DNAAF11: variants seen among roughly 807,000 people sequenced by gnomAD.
DNAAF11 encodes dynein axonemal assembly factor 11, also known as leucine rich repeat containing 6.
Under a neutral mutation model 60.8 loss-of-function variants are expected in DNAAF11, and 45 were observed. That is an observed-to-expected ratio of 0.74 (90% CI 0.58 to 0.95). The LOEUF is 0.95. DNAAF11 is among the 40% of genes least tolerant of loss of function. The pLI is 0.00. For synonymous variants in DNAAF11, 191 were observed against 183.5 expected (o/e 1.04, Z -0.33); for missense variants, 546 against 546.2 (o/e 1.00, Z 0.00).
intron 7 of DNAAF11, among the ~76,000 whole-genome samples, chr8:132,617,689 CTGTCTTTTTGCTTCAAAGAGAA>C: frequency 6.6e-6 from 1 of 152,258 alleles, no homozygotes; most frequent in Non-Finnish European, 1.5e-5. Flanking sequence ...GAGGGCATCC[CTGTCTTTTTGCTTCAAAGAGAA>C]TAAAATACCT....
At chr8:132,598,830 T>TA (rs1306515321) in intron 10 of DNAAF11, among the ~76,000 whole-genome samples, 1 of 152,124 alleles carries the variant, frequency 6.6e-6, no homozygotes, top group Non-Finnish European at 1.5e-5. Context: ...CAGGAAGATC[T>TA]AAAATTGACA....
the DNAAF11 span, among the ~76,000 whole-genome samples, chr8:132,700,939 G>C: frequency 1.3e-5 from 2 of 152,188 alleles, no homozygotes; most frequent in Non-Finnish European, 2.9e-5. Context: ...AAAATGAACA[G>C]AAATTTATCG....
chr8:132,601,594 T>TA (rs574288099), intron 10 of DNAAF11, among the ~76,000 whole-genome samples: 1,637 of 152,136 alleles, frequency 0.011, 40 homozygotes, highest in African/African-American at 0.038. Flanking sequence ...TATGCAGCCA[T>TA]AAAAAAGATG....
intron 3 of DNAAF11, among the ~76,000 whole-genome samples, chr8:132,649,575 C>T (rs1399993722): frequency 1.3e-5 from 2 of 152,262 alleles, no homozygotes; most frequent in East Asian, 1.9e-4. Context: ...TCAGAGTGAA[C>T]AGGCAACCTA....
rs1003794367 is a variant in DNAAF11, at chr8:132,632,798, C to T, written c.595G>A (p.Asp199Asn). 11 of 1,613,954 alleles carry T rather than the reference C, an allele frequency of 6.8e-6. No individual in the cohort carries two copies. The East Asian group carries it at 8.9e-5, about 13-fold the overall frequency. ...TCAAAGCCTGCGTTACTTCTCTTGTCTTCATTTTTATCCTCTTCTTGGTGT... is the reference window on the plus strand; with the variant it reads ...TCAAAGCCTGCGTTACTTCTCTTGTTTTCATTTTTATCCTCTTCTTGGTGT... ...RKHQEEDKNE[D>N]KRSNAGFDGR... The change falls in exon 5 of 12, where the codon GAC becomes AAC. Residue 199 changes from aspartate (D) to asparagine (N), a missense_variant. Transcript: ENST00000620350.
intron 1 of DNAAF11, among the ~76,000 whole-genome samples, chr8:132,671,457 C>G (rs1303088458): frequency 6.6e-6 from 1 of 152,100 alleles, no homozygotes; most frequent in Non-Finnish European, 1.5e-5. Flanking sequence ...TCATTCTCCC[C>G]AAATCGAGCT....
intron 5 of DNAAF11, among the ~76,000 whole-genome samples, chr8:132,626,189 C>A (rs1820264301): frequency 6.6e-6 from 1 of 151,962 alleles, no homozygotes; most frequent in Admixed American, 6.6e-5. Flanking sequence ...GTAGCTGGGA[C>A]TACAGGCGCC....
chr8:132,572,796 T>A (rs1390526636), intron 11 of DNAAF11, among the ~76,000 whole-genome samples: 1 of 152,026 alleles, frequency 6.6e-6, no homozygotes, highest in African/African-American at 2.4e-5. Flanking sequence ...ACTGAAATGA[T>A]ACAGCAGGCA....
intron 1 of DNAAF11, among the ~76,000 whole-genome samples, chr8:132,665,315 G>A (rs1384134203): frequency 6.6e-6 from 1 of 151,950 alleles, no homozygotes; most frequent in Non-Finnish European, 1.5e-5. Context: ...GAACAGGAAA[G>A]CATTTTCGGT....
At chr8:132,685,905 C>CA in the DNAAF11 span, among the ~76,000 whole-genome samples, 3 of 152,040 alleles carry the variant, frequency 2.0e-5, no homozygotes, top group East Asian at 1.9e-4. Context: ...TCCAATGACC[C>CA]TTTTTTTTCC....
At chr8:132,660,487 G>T (rs1824026244) in intron 2 of DNAAF11, among the ~76,000 whole-genome samples, 1 of 152,180 alleles carries the variant, frequency 6.6e-6, no homozygotes, top group Non-Finnish European at 1.5e-5. Context: ...TCTGACCCAG[G>T]TTTACCTGAT....
the DNAAF11 span, among the ~76,000 whole-genome samples, chr8:132,681,816 T>C: frequency 5.3e-5 from 8 of 152,178 alleles, no homozygotes; most frequent in Non-Finnish European, 1.2e-4. Flanking sequence ...AGTTAGGACT[T>C]TACTGATTTG....
At chr8:132,639,595 AT>A (rs1468889109) in intron 3 of DNAAF11, among the ~76,000 whole-genome samples, 2 of 152,182 alleles carry the variant, frequency 1.3e-5, no homozygotes, top group African/African-American at 4.8e-5. Flanking sequence ...AGGCTATATA[AT>A]GGAACCAACT....
intron 10 of DNAAF11, among the ~76,000 whole-genome samples, chr8:132,595,943 G>T (rs1473006953): frequency 6.6e-6 from 1 of 152,058 alleles, no homozygotes. Flanking sequence ...ACTGAATTCA[G>T]GATGTATTTC....
chr8:132,675,613 A>C, upstream of DNAAF11: 2 of 1,098,546 alleles, frequency 1.8e-6, no homozygotes, highest in South Asian at 2.0e-5. Context: ...GGCAACGGGG[A>C]CTCTACGGCG....
intron 1 of DNAAF11, among the ~76,000 whole-genome samples, chr8:132,673,692 T>C (rs922313056): frequency 3.3e-5 from 5 of 152,022 alleles, no homozygotes; most frequent in Non-Finnish European, 7.4e-5. Context: ...TCCTGTTTCC[T>C]TTCCAGACAG....
At chr8:132,605,952 G>T (rs1818087759) in intron 10 of DNAAF11, among the ~76,000 whole-genome samples, 1 of 150,854 alleles carries the variant, frequency 6.6e-6, no homozygotes, top group Admixed American at 6.6e-5. Context: ...ATGGGGTCGG[G>T]GGGACAGGTT....
intron 2 of DNAAF11, among the ~76,000 whole-genome samples, chr8:132,659,475 A>G (rs1305381708): frequency 6.6e-6 from 1 of 152,168 alleles, no homozygotes; most frequent in Non-Finnish European, 1.5e-5. Flanking sequence ...CTAATTAGTA[A>G]TTGTGATGGA....
At chr8:132,630,896 C>A (rs1820732805) in intron 5 of DNAAF11, among the ~76,000 whole-genome samples, 1 of 152,096 alleles carries the variant, frequency 6.6e-6, no homozygotes, top group Non-Finnish European at 1.5e-5. Context: ...CCAGTATTGG[C>A]AAAGACTGAA....
Sources: gnomAD v4.1 joint callset for allele counts (sites outside exome capture counted in the v4.1 genomes callset) on GRCh38, gnomAD v4.1.1 for gene constraint, MANE v1.5 for transcripts, NCBI Gene and HGNC (gene_info 2026-07-23, HGNC 2026-07-21) for gene names.